Variants in XYLT1 observed in about 807,000 individuals in gnomAD.
The protein encoded by XYLT1 is beta-D-xylosyltransferase 1.
Under a neutral mutation model 91.3 loss-of-function variants are expected in XYLT1, and 36 were observed. That is an observed-to-expected ratio of 0.39 (90% CI 0.30 to 0.52). The LOEUF (loss-of-function observed/expected upper bound fraction) is 0.52. XYLT1 is among the 20% of genes least tolerant of loss of function. The pLI, the probability that XYLT1 is intolerant of heterozygous loss-of-function variation, is 0.68. For synonymous variants in XYLT1, 588 were observed against 532.0 expected (o/e 1.11, Z -1.45); for missense variants, 1,242 against 1,284.5 (o/e 0.97, Z 0.51).
chr16:17,141,053 G>A (rs2030957897), intron 7 of XYLT1, 100 bp downstream of exon 7: 1 of 1,170,994 alleles, frequency 8.5e-7, no homozygotes, highest in Non-Finnish European at 1.2e-6. Context: ...GACAATGTAG[G>A]TGGACCCAGA....
At position 17,401,279 on chromosome 16, in the gene XYLT1, AGGTTGCTGGGAAT is replaced by A. The variant is rs372537071; in HGVS notation, c.364-43242_364-43230del. ...CCAAAACTTCCACCATTCTGCCTTGAGGTTGCTGGGAATGGAGCCACCCGGGGTGGGAGAGTCT... is the reference window on the plus strand; with the variant it reads ...CCAAAACTTCCACCATTCTGCCTTGAGGAGCCACCCGGGGTGGGAGAGTCT... On this transcript the variant is annotated intron_variant, in intron 1 of 11. Coordinates refer to ENST00000261381, the MANE Select transcript of XYLT1 (RefSeq NM_022166.4). Among the ~76,000 whole-genome samples, 653 of 152,290 alleles carry A rather than the reference AGGTTGCTGGGAAT, an allele frequency of 4.3e-3. 4 individuals are homozygous for A. The highest frequency in any genetic ancestry group is 0.015 in the African/African-American group (632 of 41,564).
intron 6 of XYLT1, among the ~76,000 whole-genome samples, chr16:17,152,722 G>A (rs758568597): frequency 3.9e-5 from 6 of 152,212 alleles, no homozygotes; most frequent in Non-Finnish European, 8.8e-5. Context: ...CCTCCAATAG[G>A]AGAATGCTGC....
intron 1 of XYLT1, among the ~76,000 whole-genome samples, chr16:17,374,653 AC>A (rs1338265848): frequency 1.3e-5 from 2 of 151,686 alleles, no homozygotes; most frequent in Non-Finnish European, 2.9e-5. Context: ...AAAAAAAAAA[AC>A]AAGAGGTGAT....
intron 3 of XYLT1, among the ~76,000 whole-genome samples, chr16:17,247,387 T>C (rs2033455302): frequency 1.3e-5 from 2 of 152,106 alleles, no homozygotes; most frequent in South Asian, 2.1e-4. Context: ...AAGAAAATCA[T>C]CACAAACCAC....
chr16:17,369,977 C>T (rs553047623), intron 1 of XYLT1, among the ~76,000 whole-genome samples: 5 of 152,142 alleles, frequency 3.3e-5, no homozygotes, highest in Non-Finnish European at 7.3e-5. Context: ...TTCGGGGCAG[C>T]CTCAGAGACA....
intron 10 of XYLT1, among the ~76,000 whole-genome samples, chr16:17,123,638 G>C (rs748175974): frequency 6.6e-6 from 1 of 152,196 alleles, no homozygotes; most frequent in African/African-American, 2.4e-5. Flanking sequence ...TGAACAGCAT[G>C]TATATTCTGC....
At chr16:17,322,715 C>T (rs1350885257) in intron 2 of XYLT1, among the ~76,000 whole-genome samples, 1 of 152,230 alleles carries the variant, frequency 6.6e-6, no homozygotes, top group Non-Finnish European at 1.5e-5. Flanking sequence ...TGCCAACTCA[C>T]TGACCAGATG....
chr16:17,117,736 C>T lies in XYLT1; in HGVS notation c.2467G>A (p.Val823Met), dbSNP rs767395762. Residue 823 changes from valine to methionine, a missense_variant, in exon 11 of 12, where the codon GTG becomes ATG. By Grantham distance (21) the Val-to-Met change is conservative. Around this residue, in one of 3 missense-constraint regions of XYLT1, gnomAD observed 511 missense variants for 497.0 expected, o/e 1.03. Coordinates refer to ENST00000261381, the MANE Select transcript of XYLT1 (RefSeq NM_022166.4). ...NLPLRPGVWT[V>M]KILHHWVPVA... ...GGCACCCAGTGGTGGAGAATTTTCA[C>T]TGTCCAGACCCCAGGCCTCAGGGGC... The T allele has an allele frequency of 2.6e-5, 42 of 1,614,228 alleles. No individual in the cohort carries two copies. In the South Asian group the frequency reaches 2.6e-4, roughly 10 times the overall value.
At chr16:17,449,317 G>A (rs895096713) in intron 1 of XYLT1, among the ~76,000 whole-genome samples, 15 of 152,262 alleles carry the variant, frequency 9.9e-5, no homozygotes, top group Admixed American at 7.8e-4. Flanking sequence ...CAGGATCTCA[G>A]CAATTCCACG....
intron 3 of XYLT1, among the ~76,000 whole-genome samples, chr16:17,215,187 C>G (rs970099531): frequency 1.6e-4 from 25 of 152,132 alleles, no homozygotes; most frequent in African/African-American, 5.3e-4. Flanking sequence ...AAAAACTTGT[C>G]TCTATTAAAA....
chr16:17,244,820 T>A (rs912289449), intron 3 of XYLT1, among the ~76,000 whole-genome samples: 1 of 152,218 alleles, frequency 6.6e-6, no homozygotes, highest in Admixed American at 6.5e-5. Context: ...CCCAGAGTTA[T>A]ATGGTCAGCT....
chr16:17,346,968 C>T (rs2035152098), intron 2 of XYLT1, among the ~76,000 whole-genome samples: 1 of 152,140 alleles, frequency 6.6e-6, no homozygotes, highest in Admixed American at 6.5e-5. Flanking sequence ...TAATAAGATA[C>T]TCTTTTTCAG....
intron 1 of XYLT1, among the ~76,000 whole-genome samples, chr16:17,462,188 C>A (rs1462400237): frequency 1.3e-5 from 2 of 152,188 alleles, no homozygotes; most frequent in Admixed American, 1.3e-4. Flanking sequence ...ATTAGATGTC[C>A]AGATAAGCAG....
At chr16:17,444,693 T>C (rs1385260543) in intron 1 of XYLT1, among the ~76,000 whole-genome samples, 2 of 152,140 alleles carry the variant, frequency 1.3e-5, no homozygotes, top group Non-Finnish European at 2.9e-5. Flanking sequence ...ACATAGTAGA[T>C]GCTCAATAAA....
At chr16:17,162,181 G>T (rs1597160795) in intron 5 of XYLT1, among the ~76,000 whole-genome samples, 1 of 152,120 alleles carries the variant, frequency 6.6e-6, no homozygotes, top group Admixed American at 6.5e-5. Flanking sequence ...GCCGAGGCAG[G>T]TGGGTCACTT....
intron 6 of XYLT1, among the ~76,000 whole-genome samples, chr16:17,144,343 C>T (rs563008453): frequency 2.8e-4 from 42 of 152,318 alleles, no homozygotes; most frequent in Middle Eastern, 3.4e-3. Flanking sequence ...ACACTATAAA[C>T]GACAGGCTTT....
chr16:17,443,040 G>T (rs1214562647), intron 1 of XYLT1, among the ~76,000 whole-genome samples: 21 of 152,152 alleles, frequency 1.4e-4, no homozygotes, highest in Admixed American at 1.4e-3. Context: ...CATTGGAGCA[G>T]ACCGCTTGGG....
intron 2 of XYLT1, among the ~76,000 whole-genome samples, chr16:17,289,025 G>C (rs1156912687): frequency 6.6e-6 from 1 of 152,206 alleles, no homozygotes; most frequent in Non-Finnish European, 1.5e-5. Context: ...AAGAGATGGA[G>C]CTGGGATTCT....
intron 2 of XYLT1, among the ~76,000 whole-genome samples, chr16:17,276,738 T>C (rs1431803253): frequency 6.6e-6 from 1 of 152,144 alleles, no homozygotes; most frequent in Non-Finnish European, 1.5e-5. Flanking sequence ...CCGATGAAGT[T>C]GTTATAAATG....
Sources: gnomAD v4.1 joint callset for allele counts (sites outside exome capture counted in the v4.1 genomes callset) on GRCh38, gnomAD v4.1.1 for gene constraint, gnomAD v4.1.1 regional missense constraint, MANE v1.5 for transcripts, NCBI Gene and HGNC (gene_info 2026-07-23, HGNC 2026-07-21) for gene names.